KIF11: variants seen among roughly 807,000 people sequenced by gnomAD.
KIF11 encodes the protein kinesin family member 11, also known as kinesin-like protein KIF11.
In KIF11, 9 loss-of-function variants were observed where a neutral mutation model predicts 121.0. The ratio of observed to expected loss-of-function variants is 0.07; its 90% CI spans 0.04 to 0.13. The LOEUF is 0.13. Ranked by LOEUF, KIF11 falls within the 10% of genes least tolerant of loss-of-function variation. The probability of loss-of-function intolerance (pLI) is 1.00; values close to 1 mark genes in which losing one functional copy is unlikely to be tolerated. For missense variants in KIF11, 846 were observed against 1,217.5 expected, an observed-to-expected ratio of 0.69 and a Z score of 4.54; for synonymous variants, 408 against 421.0, an observed-to-expected ratio of 0.97 and a Z score of 0.38.
intron 10 of KIF11, among the ~76,000 whole-genome samples, chr10:92,626,490 C>T (rs1365078284): frequency 2.0e-5 from 3 of 152,152 alleles, no homozygotes; most frequent in East Asian, 3.8e-4. Flanking sequence ...TTCTCTAATA[C>T]ACATGAGGCA....
At chr10:92,607,106 G>C in intron 3 of KIF11, 53 bp from the exon 4 acceptor site, 2 of 881,570 alleles carry the variant, frequency 2.3e-6, no homozygotes, top group Non-Finnish European at 3.6e-6. Flanking sequence ...CTATCACTAA[G>C]AGTCATATGG....
chr10:92,629,864 G>T (rs1336623900), intron 11 of KIF11, among the ~76,000 whole-genome samples: 1 of 152,118 alleles, frequency 6.6e-6, no homozygotes, highest in Admixed American at 6.5e-5. Flanking sequence ...GTGATCTCCT[G>T]CCTTGGCCTC....
At position 92,616,842 on chromosome 10, in the gene KIF11, A is replaced by C; in HGVS notation, c.1128+10A>C. 7.0e-7 allele frequency: 1 copy of C among 1,434,356 alleles called. No homozygotes were observed. Among genetic ancestry groups the C allele is most frequent in the Non-Finnish European group, 9.7e-7 (1 of 1,031,200 alleles). 88.9% of individuals were successfully genotyped at this position (1,434,356 alleles called of 1,614,324 possible). On this transcript the variant is annotated intron_variant, in intron 9 of 21. Coordinates refer to ENST00000260731, the MANE Select transcript of KIF11 (RefSeq NM_004523.4). Reference sequence around the variant, plus strand: ...AAAAGCTCTTATTAAGGTAACTGTGAATTTTTGTAGAGTAATGTAATCTTG... The same window carrying C: ...AAAAGCTCTTATTAAGGTAACTGTGCATTTTTGTAGAGTAATGTAATCTTG...
chr10:92,617,548 T>A (rs1564707994), intron 9 of KIF11, among the ~76,000 whole-genome samples: 1 of 152,136 alleles, frequency 6.6e-6, no homozygotes, highest in Non-Finnish European at 1.5e-5. Flanking sequence ...GGGATTTAAT[T>A]TCTGGGTTGT....
intron 19 of KIF11, among the ~76,000 whole-genome samples, chr10:92,648,849 C>A (rs1844949631): frequency 6.6e-6 from 1 of 152,078 alleles, no homozygotes; most frequent in African/African-American, 2.4e-5. Flanking sequence ...ATTTAGGAAT[C>A]CCTGTTTTAA....
In KIF11 at chr10:92,613,900, T is replaced by A. The variant is rs1844522269; in HGVS notation, c.1032+281T>A. 6.6e-6 allele frequency among the ~76,000 whole-genome samples: 1 copy of A among 151,008 alleles called. No individual in the cohort carries two copies. Among genetic ancestry groups the A allele is most frequent in the Non-Finnish European group, 1.5e-5 (1 of 67,856 alleles). On this transcript the variant is annotated intron_variant, in intron 8 of 21. Transcript: ENST00000260731. The surrounding 1 kb of genome is among the most constrained non-coding windows in gnomAD (Gnocchi z 4.2). Reference sequence around the variant, plus strand: ...CTGAGGTGGGAGGATCACTTAAGCCTGGGAGGCAGAAGTTGCATTAAGCTG... The same window carrying A: ...CTGAGGTGGGAGGATCACTTAAGCCAGGGAGGCAGAAGTTGCATTAAGCTG...
At chr10:92,614,055 C>G (rs905561433) in intron 8 of KIF11, among the ~76,000 whole-genome samples, 1 of 142,338 alleles carries the variant, frequency 7.0e-6, no homozygotes, top group African/African-American at 2.6e-5. Flanking sequence ...CACACACACA[C>G]ACACACACAC....
intron 10 of KIF11, among the ~76,000 whole-genome samples, chr10:92,622,602 C>T (rs147843757): frequency 4.6e-5 from 7 of 151,290 alleles, no homozygotes; most frequent in Admixed American, 1.3e-4. Flanking sequence ...GGAACAAGAG[C>T]GAGACTTCAT....
Position 92,632,632 on chromosome 10 carries a change from A to G in KIF11, c.1641A>G (p.Glu547=), listed in dbSNP as rs774339898. The part of the protein sequence containing the change: ...NLNSLFNNME[E]LIKDGSSKQK... ...ATAGTCTGTTTAATAATATGGAAGAATTAATTAAGGATGGCAGCTCAAAGC... is the reference window on the plus strand; with the variant it reads ...ATAGTCTGTTTAATAATATGGAAGAGTTAATTAAGGATGGCAGCTCAAAGC... The change falls in exon 13 of 22, where the codon GAA becomes GAG. Residue 547 remains glutamate (E), a synonymous_variant. Transcript: ENST00000260731. 2 of 1,613,520 alleles carry G rather than the reference A, an allele frequency of 1.2e-6. No individual in the cohort carries two copies. Among genetic ancestry groups the G allele is most frequent in the East Asian group, 2.2e-5 (1 of 44,864 alleles).
chr10:92,621,610 GTTTTC>G (rs1018259089), intron 10 of KIF11, 137 bp downstream of exon 10: 12 of 568,290 alleles, frequency 2.1e-5, no homozygotes, highest in African/African-American at 3.8e-5. Flanking sequence ...GTGTGTGTGT[GTTTTC>G]TTTTGAGACA....
chr10:92,644,956 T>G (rs934487145), intron 17 of KIF11, among the ~76,000 whole-genome samples: 1 of 152,244 alleles, frequency 6.6e-6, no homozygotes, highest in African/African-American at 2.4e-5. Flanking sequence ...ATGTTCATGA[T>G]TTGTTTTACA....
At chr10:92,593,519 C>T in intron 1 of KIF11, 67 bp downstream of exon 1, 1 of 1,371,164 alleles carries the variant, frequency 7.3e-7, no homozygotes, top group Non-Finnish European at 1.0e-6. Flanking sequence ...CTGCGCGGTC[C>T]AGGGAGAGGG....
intron 18 of KIF11, among the ~76,000 whole-genome samples, chr10:92,647,811 G>A (rs1844935913): frequency 6.6e-6 from 1 of 152,090 alleles, no homozygotes; most frequent in Non-Finnish European, 1.5e-5. Flanking sequence ...TTTTGTATGT[G>A]TTTTTAAATC....
rs754916520 is a variant in KIF11, at chr10:92,650,531, G to C, written c.3039+14G>C. 8.1e-6 allele frequency: 11 copies of C among 1,353,720 alleles called. No individual in the cohort carries two copies. The highest frequency in any genetic ancestry group is 9.5e-6 in the Non-Finnish European group (9 of 942,808). The allele number at this position is 1,353,720 out of a possible 1,614,324, so 83.9% of individuals were successfully genotyped here. ...CCATTTTTCCAGGTATGTCATATCAGATAACCCTTCCACATCTGATGTAAG... is the reference window on the plus strand; with the variant it reads ...CCATTTTTCCAGGTATGTCATATCACATAACCCTTCCACATCTGATGTAAG... On this transcript the variant is annotated intron_variant, in intron 21 of 21. Coordinates refer to ENST00000260731, the MANE Select transcript of KIF11 (RefSeq NM_004523.4).
chr10:92,612,071 T>TG (rs1844503152), intron 6 of KIF11, among the ~76,000 whole-genome samples: 1 of 144,848 alleles, frequency 6.9e-6, no homozygotes, highest in African/African-American at 2.9e-5. Flanking sequence ...TAATTTTTTT[T>TG]CCCCCTAAGA....
At chr10:92,603,642 G>A (rs1010619760) in intron 1 of KIF11, among the ~76,000 whole-genome samples, 8 of 152,066 alleles carry the variant, frequency 5.3e-5, no homozygotes, top group African/African-American at 1.9e-4. Flanking sequence ...GTGAGCCACT[G>A]TGCCTGGCCT....
rs1844720864 is a variant in KIF11 at position 92,630,160 on chromosome 10, A to T, written c.1306-16A>T. 7.3e-7 allele frequency: 1 copy of T among 1,368,060 alleles called. No individual in the cohort carries two copies. The highest frequency in any genetic ancestry group is 1.5e-5 in the South Asian group (1 of 65,750). 84.7% of individuals were successfully genotyped at this position (1,368,060 alleles called of 1,614,324 possible). ...CCTACCAGCCAGCTCAGCGTTTTTT[A>T]AATTCTTATATTTAGGTTACAGAGT... On this transcript the variant is annotated splice_polypyrimidine_tract_variant and intron_variant, in intron 11 of 21. Coordinates refer to ENST00000260731, the MANE Select transcript of KIF11 (RefSeq NM_004523.4).
chr10:92,641,385 C>CT (rs1339364822), intron 17 of KIF11, among the ~76,000 whole-genome samples: 1 of 152,064 alleles, frequency 6.6e-6, no homozygotes, highest in Non-Finnish European at 1.5e-5. Context: ...AATTGTTTTT[C>CT]TTTGTCTAAG....
intron 1 of KIF11, among the ~76,000 whole-genome samples, chr10:92,605,574 C>G (rs1176742950): frequency 6.6e-6 from 1 of 150,648 alleles, no homozygotes; most frequent in Non-Finnish European, 1.5e-5. Flanking sequence ...GCAACCTCCA[C>G]CTCCCAGGTT....
Sources: allele counts gnomAD v4.1 joint callset (sites outside exome capture counted in the v4.1 genomes callset), GRCh38; gene constraint gnomAD v4.1.1; non-coding constraint Gnocchi (gnomAD v3.1); transcripts MANE v1.5; gene names NCBI Gene and HGNC (gene_info 2026-07-23, HGNC 2026-07-21).